The following CDK5RAP2 variants were observed in gnomAD, a reference collection of about 807,000 sequenced individuals.
CDK5RAP2 encodes the protein CDK5 regulatory subunit-associated protein 2.
CDK5RAP2 carries 147 observed loss-of-function variants against 232.9 expected under a neutral mutation model. The ratio of observed to expected loss-of-function variants is 0.63; its 90% CI spans 0.55 to 0.72. CDK5RAP2 has a LOEUF of 0.72. CDK5RAP2 is among the 30% of genes least tolerant of loss of function. The probability of loss-of-function intolerance (pLI) is 0.00; values close to 1 mark genes in which losing one functional copy is unlikely to be tolerated. For synonymous variants in CDK5RAP2, 833 were observed against 833.7 expected (o/e 1.00, Z 0.01); for missense variants, 2,195 against 2,231.5 (o/e 0.98, Z 0.33).
intron 17 of CDK5RAP2, among the ~76,000 whole-genome samples, chr9:120,468,222 A>G (rs2037493630): frequency 6.6e-6 from 1 of 152,214 alleles, no homozygotes; most frequent in Non-Finnish European, 1.5e-5. Context: ...CAAGGCAAAA[A>G]GATCCTGGGC....
At chr9:120,419,603 C>G (rs1347835893) in intron 27 of CDK5RAP2, among the ~76,000 whole-genome samples, 185 bp downstream of exon 27, 1 of 152,192 alleles carries the variant, frequency 6.6e-6, no homozygotes, top group Non-Finnish European at 1.5e-5. Context: ...ATCGCCAACA[C>G]TTTCAACAAC....
At chr9:120,473,783 T>C (rs2037853349) in intron 15 of CDK5RAP2, among the ~76,000 whole-genome samples, 1 of 152,236 alleles carries the variant, frequency 6.6e-6, no homozygotes, top group African/African-American at 2.4e-5. Flanking sequence ...AAAAAGAGAC[T>C]GTTTTAGAGA....
At chr9:120,579,846 G>T in intron 1 of CDK5RAP2, 74 bp downstream of exon 1, 1 of 1,258,774 alleles carries the variant, frequency 7.9e-7, no homozygotes, top group Non-Finnish European at 1.2e-6. Flanking sequence ...CAAACCCCAA[G>T]GCCGCGTTAG....
chr9:120,432,528 C>A (rs1434769049), intron 25 of CDK5RAP2, among the ~76,000 whole-genome samples: 1 of 152,074 alleles, frequency 6.6e-6, no homozygotes, highest in Non-Finnish European at 1.5e-5. Context: ...AATTCAAGAG[C>A]CAGACCCCTT....
intron 35 of CDK5RAP2, 140 bp from the exon 36 acceptor site, chr9:120,394,778 GACAAC>G (rs2131214892): frequency 1.3e-6 from 1 of 795,150 alleles, no homozygotes; most frequent in Non-Finnish European, 2.0e-6. Context: ...GCCTTTTCCT[GACAAC>G]CAGGAAAAGG....
At chr9:120,564,494 AAATAAAAAAAT>A (rs2042577046) in intron 3 of CDK5RAP2, among the ~76,000 whole-genome samples, 1 of 150,350 alleles carries the variant, frequency 6.7e-6, no homozygotes, top group African/African-American at 2.4e-5. Context: ...TGTCTCAAAA[AAATAAAAAAAT>A]AAAAAATCAT....
intron 3 of CDK5RAP2, among the ~76,000 whole-genome samples, chr9:120,567,144 A>G (rs2042676387): frequency 6.6e-6 from 1 of 152,252 alleles, no homozygotes; most frequent in South Asian, 2.1e-4. Context: ...TTTTAATTAT[A>G]CACGATGTAG....
At chr9:120,530,901 A>C (rs2041121099) in intron 7 of CDK5RAP2, among the ~76,000 whole-genome samples, 1 of 7,538 alleles carries the variant, frequency 1.3e-4, no homozygotes, top group South Asian at 0.25. Context: ...AGATATACCT[A>C]ATGTAAATGA....
At chr9:120,447,827 G>T in intron 22 of CDK5RAP2, 68 bp downstream of exon 22, 2 of 1,109,122 alleles carry the variant, frequency 1.8e-6, no homozygotes, top group South Asian at 1.2e-5. Context: ...CAACAAGGTT[G>T]ACATTTCAAG....
chr9:120,546,612 C>G (rs1454640484), intron 4 of CDK5RAP2, among the ~76,000 whole-genome samples: 3 of 152,056 alleles, frequency 2.0e-5, no homozygotes, highest in Non-Finnish European at 4.4e-5. Context: ...TTGGAAATCT[C>G]CCTTTTGTTT....
intron 36 of CDK5RAP2, among the ~76,000 whole-genome samples, chr9:120,393,012 T>C (rs1297011859): frequency 6.6e-6 from 1 of 152,108 alleles, no homozygotes; most frequent in Non-Finnish European, 1.5e-5. Flanking sequence ...CTCTCACTCA[T>C]CTCTCAGAGG....
At chr9:120,569,874 A>G (rs988327244) in intron 2 of CDK5RAP2, among the ~76,000 whole-genome samples, 2 of 152,144 alleles carry the variant, frequency 1.3e-5, no homozygotes, top group Admixed American at 6.5e-5. Context: ...GGTGGGTTGG[A>G]GTAGGATGGA....
At chr9:120,574,502 G>A (rs2042959419) in intron 1 of CDK5RAP2, among the ~76,000 whole-genome samples, 1 of 152,236 alleles carries the variant, frequency 6.6e-6, no homozygotes, top group African/African-American at 2.4e-5. Flanking sequence ...TAGTGGCAAA[G>A]CCAAGCCCAA....
intron 35 of CDK5RAP2, among the ~76,000 whole-genome samples, chr9:120,397,929 A>C (rs1324707990): frequency 2.6e-5 from 4 of 152,206 alleles, no homozygotes; most frequent in African/African-American, 9.6e-5. Flanking sequence ...GCCCACACTT[A>C]TGGGAACCAC....
chr9:120,563,220 A>G (rs925127288), intron 3 of CDK5RAP2, among the ~76,000 whole-genome samples: 1 of 152,088 alleles, frequency 6.6e-6, no homozygotes, highest in Admixed American at 6.5e-5. Context: ...CAGAGGGTGG[A>G]GCATGCACGT....
intron 3 of CDK5RAP2, among the ~76,000 whole-genome samples, chr9:120,565,126 A>C (rs535691285): frequency 7.9e-4 from 121 of 152,322 alleles, no homozygotes; most frequent in African/African-American, 2.9e-3. Context: ...CAGTCAAATG[A>C]AATAGAAAGG....
chr9:120,439,957 G>A lies in CDK5RAP2; in HGVS notation c.3164C>T (p.Pro1055Leu). Reference protein sequence around the residue: ...RSYEIDSEICPPDDLASLPSC... With the variant: ...RSYEIDSEICLPDDLASLPSC... ...TGGCAAGCTGGCAAGGTCATCAGGT[G>A]GGCAAATCTCAGAGTCTGAAAATCA... The change falls in exon 24 of 38, where the codon CCA becomes CTA. Residue 1055 changes from proline to leucine, a missense_variant. Pro to Leu is a moderately conservative substitution (Grantham distance 98, BLOSUM62 -3). Coordinates refer to ENST00000349780, the MANE Select transcript of CDK5RAP2 (RefSeq NM_018249.6). The A allele has an allele frequency of 5.0e-6, 8 of 1,613,712 alleles. No individual in the cohort carries two copies. The highest frequency in any genetic ancestry group is 4.0e-5 in the African/African-American group (3 of 75,022).
chr9:120,447,986 A>G lies in CDK5RAP2; in HGVS notation c.2934T>C (p.Phe978=). 1 of 1,614,098 alleles carries G rather than the reference A, an allele frequency of 6.2e-7. No homozygotes were observed. The highest frequency in any genetic ancestry group is 1.1e-5 in the South Asian group (1 of 91,076). Residue 978 remains phenylalanine, a synonymous_variant, in exon 22 of 38, where the codon TTT becomes TTC. Coordinates refer to ENST00000349780, the MANE Select transcript of CDK5RAP2 (RefSeq NM_018249.6). The part of the protein sequence containing the change: ...ILELQGELKE[F]KTCNKQLHQK... ...GGTGAAGTTGCTTATTACAAGTTTT[A>G]AACTCCTTCAGCTCCCCCTGCAGCT... is the stretch of plus-strand genomic sequence containing the variant.
chr9:120,528,019 T>C lies in CDK5RAP2; in HGVS notation c.880-94A>G, dbSNP rs1053819079. Reference sequence around the variant, plus strand: ...TTAAGAGCACACTCAAATGCAGTTATTCTATCTTATTCCTGTCAACCTGTG... The same window carrying C: ...TTAAGAGCACACTCAAATGCAGTTACTCTATCTTATTCCTGTCAACCTGTG... On this transcript the variant is annotated intron_variant, in intron 9 of 37. Transcript: ENST00000349780. 6 of 1,460,528 alleles carry C rather than the reference T, an allele frequency of 4.1e-6. No individual in the cohort carries two copies. The African/African-American group carries it at 5.6e-5, about 14-fold the overall frequency. The allele number at this position is 1,460,528 out of a possible 1,614,324, so 90.5% of individuals were successfully genotyped here.
Sources: gnomAD v4.1 joint callset for allele counts (sites outside exome capture counted in the v4.1 genomes callset) on GRCh38, gnomAD v4.1.1 for gene constraint, MANE v1.5 for transcripts, NCBI Gene and HGNC (gene_info 2026-07-23, HGNC 2026-07-21) for gene names.